Variants in NAA11 observed in about 807,000 individuals in gnomAD.
The protein encoded by NAA11 is N-alpha-acetyltransferase 11.
Under a neutral mutation model 16.1 loss-of-function variants are expected in NAA11, and 15 were observed. The ratio of observed to expected loss-of-function variants is 0.93; its 90% CI spans 0.62 to 1.44. NAA11 has a LOEUF of 1.44. Ranked by LOEUF, NAA11 falls within the 40% of genes most tolerant of loss-of-function variation. The probability of loss-of-function intolerance (pLI) is 0.00; values close to 1 mark genes in which losing one functional copy is unlikely to be tolerated. For synonymous variants in NAA11, 122 were observed against 112.4 expected (o/e 1.09, Z -0.54); for missense variants, 298 against 291.3 (o/e 1.02, Z -0.17).
rs769831298 is a variant in NAA11, at chr4:79,325,669, C to T, written c.209G>A (p.Gly70Asp). The change falls in exon 1 of 2, where the codon GGC (glycine) becomes GAC (aspartate). Residue 70 changes from glycine to aspartate, a missense_variant. Gly to Asp is a moderately conservative substitution (Grantham distance 94). Transcript: ENST00000286794. ...CTTCACGGCCAGTGAGGTGATATGG[C>T]CATGCGGGACATCATCTGGTTCCTC... Reference protein sequence around the residue: ...MEEEPDDVPHGHITSLAVKRS... With the variant: ...MEEEPDDVPHDHITSLAVKRS... 3 of 1,613,946 alleles carry T rather than the reference C, an allele frequency of 1.9e-6. No homozygotes were observed. The highest frequency in any genetic ancestry group is 1.7e-5 in the Admixed American group (1 of 59,994).
In NAA11 at chr4:79,325,553, G is replaced by A. The variant is rs772895622; in HGVS notation, c.325C>T (p.Leu109=). The A allele has an allele frequency of 3.7e-6, 6 of 1,614,116 alleles. No individual in the cohort carries two copies. In the South Asian group the frequency reaches 6.6e-5, roughly 18 times the overall value. Residue 109 remains leucine (L), a synonymous_variant, in exon 1 of 2, where the codon CTG becomes TTG. Coordinates refer to ENST00000286794, the MANE Select transcript of NAA11 (RefSeq NM_032693.3). Reference sequence around the variant, plus strand: ...GGCCGGTTACTCTTCCTGACGTGCAGAGACACGTATTTGGCGTTAAAGTTC... The same window carrying A: ...GGCCGGTTACTCTTCCTGACGTGCAAAGACACGTATTTGGCGTTAAAGTTC... The part of the protein sequence containing the change: ...IENFNAKYVS[L]HVRKSNRPAL...
chr4:79,192,896 C>T, the NAA11 span, among the ~76,000 whole-genome samples: 3 of 151,962 alleles, frequency 2.0e-5, no homozygotes, highest in Non-Finnish European at 4.4e-5. Context: ...CCTGTTGTTT[C>T]CTGACTTTTT....
the NAA11 span, among the ~76,000 whole-genome samples, chr4:79,179,903 G>A: frequency 6.6e-6 from 1 of 152,188 alleles, no homozygotes; most frequent in Non-Finnish European, 1.5e-5. Context: ...ATAGCGGAAG[G>A]CACAGGGGAA....
chr4:79,184,465 T>G, the NAA11 span, among the ~76,000 whole-genome samples: 2 of 152,176 alleles, frequency 1.3e-5, no homozygotes, highest in African/African-American at 4.8e-5. Context: ...AAATCACAGG[T>G]GAAGCACTCA....
chr4:79,274,248 A>G (rs1722567245), intron 2 of NAA11, among the ~76,000 whole-genome samples: 1 of 152,072 alleles, frequency 6.6e-6, no homozygotes, highest in South Asian at 2.1e-4. Flanking sequence ...GGAAATAACT[A>G]CATCATCGGG....
At chr4:79,291,450 G>A (rs1241605311) in intron 2 of NAA11, among the ~76,000 whole-genome samples, 4 of 152,048 alleles carry the variant, frequency 2.6e-5, no homozygotes, top group African/African-American at 7.2e-5. Flanking sequence ...GCAAAAGAGT[G>A]AGACCCTGTC....
At chr4:79,221,795 T>G (rs1434088047), downstream of NAA11, among the ~76,000 whole-genome samples, 6 of 130,430 alleles carry the variant, frequency 4.6e-5, no homozygotes, top group Admixed American at 1.7e-4. Context: ...TATTGAGGAT[T>G]TTTGCATCAA....
chr4:79,234,119 C>T (rs1340645065), intron 2 of NAA11, among the ~76,000 whole-genome samples: 1 of 152,072 alleles, frequency 6.6e-6, no homozygotes. Flanking sequence ...GATAAGACCG[C>T]AAAACCAATA....
At chr4:79,164,003 G>A in the NAA11 span, among the ~76,000 whole-genome samples, 1 of 151,754 alleles carries the variant, frequency 6.6e-6, no homozygotes, top group Admixed American at 6.6e-5. Flanking sequence ...TTTTCTTCTC[G>A]GTCTTTTTAT....
At chr4:79,266,487 T>C (rs1722348386) in intron 2 of NAA11, among the ~76,000 whole-genome samples, 2 of 152,170 alleles carry the variant, frequency 1.3e-5, no homozygotes, top group South Asian at 4.1e-4. Context: ...TTTTTGCCCC[T>C]CAGCATGATG....
chr4:79,322,505 G>GTGTGTA lies in NAA11; in HGVS notation c.*12+2670_*12+2671insTACACA, dbSNP rs71821147. On this transcript the variant is annotated intron_variant, in intron 1 of 1. Coordinates refer to ENST00000286794, the MANE Select transcript of NAA11 (RefSeq NM_032693.3). ...TTTATAGGTGTGTGTGTGTGTGTGTGTATATATATATATATGGTTTTAAAA... is the reference window on the plus strand; with the variant it reads ...TTTATAGGTGTGTGTGTGTGTGTGTGTGTGTATATATATATATATATGGTTTTAAAA... Among the ~76,000 whole-genome samples, 10 of 150,182 alleles carry GTGTGTA rather than the reference G, an allele frequency of 6.7e-5. No individual in the cohort carries two copies. The East Asian group carries it at 2.0e-3, about 30-fold the overall frequency.
At chr4:79,190,265 G>T in the NAA11 span, among the ~76,000 whole-genome samples, 1 of 152,002 alleles carries the variant, frequency 6.6e-6, no homozygotes, top group South Asian at 2.1e-4. Context: ...AATCTTCTTG[G>T]ATTTTTTCAC....
At chr4:79,192,510 A>C in the NAA11 span, among the ~76,000 whole-genome samples, 1 of 151,160 alleles carries the variant, frequency 6.6e-6, no homozygotes, top group African/African-American at 2.4e-5. Context: ...TAGTTTGCTG[A>C]GAATGATGGT....
intron 1 of NAA11, among the ~76,000 whole-genome samples, chr4:79,305,684 ATG>A (rs1723557484): frequency 2.0e-5 from 3 of 152,204 alleles, no homozygotes; most frequent in Admixed American, 1.3e-4. Context: ...TCATTTGATT[ATG>A]TATTATAAGG....
the NAA11 span, among the ~76,000 whole-genome samples, chr4:79,173,114 A>G: frequency 6.6e-6 from 1 of 152,176 alleles, no homozygotes; most frequent in Non-Finnish European, 1.5e-5. Context: ...GGAGATTTTG[A>G]AGATAGTTTC....
intron 2 of NAA11, among the ~76,000 whole-genome samples, chr4:79,251,121 T>C (rs1431515795): frequency 6.6e-6 from 1 of 152,226 alleles, no homozygotes; most frequent in Non-Finnish European, 1.5e-5. Context: ...AATTCCATTA[T>C]TGAGTATATT....
At chr4:79,191,668 A>G in the NAA11 span, among the ~76,000 whole-genome samples, 1 of 152,182 alleles carries the variant, frequency 6.6e-6, no homozygotes, top group South Asian at 2.1e-4. Flanking sequence ...TTTGCTGTAC[A>G]GAGGTTCTTA....
At chr4:79,239,715 T>A (rs11098603) in intron 2 of NAA11, among the ~76,000 whole-genome samples, 126,358 of 151,978 alleles carry the variant, frequency 0.83, 53,737 homozygotes, top group Non-Finnish European at 0.92. Flanking sequence ...AAAAAAATGT[T>A]TGTGAATGGA....
the NAA11 span, among the ~76,000 whole-genome samples, chr4:79,203,884 AAG>A: frequency 2.6e-5 from 4 of 151,824 alleles, no homozygotes; most frequent in African/African-American, 4.8e-5. Flanking sequence ...GCAATCTCAA[AAG>A]AGAAAATACA....
Sources: allele counts gnomAD v4.1 joint callset (sites outside exome capture counted in the v4.1 genomes callset), GRCh38; gene constraint gnomAD v4.1.1; transcripts MANE v1.5; gene names NCBI Gene and HGNC (gene_info 2026-07-23, HGNC 2026-07-21).